TRDN: variants seen among roughly 807,000 people sequenced by gnomAD.
TRDN encodes the protein triadin in skeletal muscle.
Under a neutral mutation model 149.7 loss-of-function variants are expected in TRDN, and 161 were observed. The observed-to-expected ratio is 1.08, with a 90% CI of 0.95 to 1.23. The LOEUF (loss-of-function observed/expected upper bound fraction) is 1.23, where lower values mean the gene tolerates loss of function less well. Ranked by LOEUF, TRDN falls within the 50% of genes most tolerant of loss-of-function variation. TRDN has a pLI of 0.00. For missense variants in TRDN, 896 were observed against 823.5 expected (o/e 1.09, Z -1.08); for synonymous variants, 294 against 250.5 (o/e 1.17, Z -1.64).
chr6:123,521,392 C>T (rs1414372277), intron 5 of TRDN, among the ~76,000 whole-genome samples: 2 of 151,916 alleles, frequency 1.3e-5, no homozygotes, highest in African/African-American at 4.8e-5. Flanking sequence ...AGGATATGCA[C>T]AGAGGGAATG....
chr6:123,339,565 C>A (rs1779994758), intron 21 of TRDN, among the ~76,000 whole-genome samples: 1 of 152,136 alleles, frequency 6.6e-6, no homozygotes, highest in Non-Finnish European at 1.5e-5. Flanking sequence ...TGCAAAGCAA[C>A]CTACAGTATT....
rs1780198426 is a variant in TRDN, at chr6:123,530,578, A to G, written c.425-13T>C. 2.5e-6 allele frequency: 3 copies of G among 1,219,928 alleles called. No homozygotes were observed. The highest frequency in any genetic ancestry group is 3.3e-6 in the Non-Finnish European group (3 of 907,854). The allele number at this position is 1,219,928 out of a possible 1,614,324, so 75.6% of individuals were successfully genotyped here. ...TCTTTGTGTATTTCTAAGAAAAAAT[A>G]GAATTTATAATTTTAAAACTCTGAA... On this transcript the variant is annotated splice_polypyrimidine_tract_variant and intron_variant, in intron 4 of 40. Coordinates refer to ENST00000334268, the MANE Select transcript of TRDN (RefSeq NM_006073.4).
chr6:123,509,832 G>A (rs1291630243), intron 7 of TRDN: 1 of 151,870 alleles, frequency 6.6e-6, no homozygotes, highest in Admixed American at 6.6e-5. Flanking sequence ...AAAGATGCTT[G>A]AAGACCTGTA....
rs151310730 is a variant in TRDN at position 123,304,788 on chromosome 6, C to G, written c.1510+11669G>C. 8.2e-3 allele frequency among the ~76,000 whole-genome samples: 1,254 copies of G among 152,064 alleles called. 17 individuals are homozygous for G. The highest frequency in any genetic ancestry group is 0.029 in the African/African-American group (1,186 of 41,482). On this transcript the variant is annotated intron_variant, in intron 24 of 40. Coordinates refer to ENST00000334268, the MANE Select transcript of TRDN (RefSeq NM_006073.4). The stretch of plus-strand genomic sequence containing the variant: ...GATCCATGAAACTGCTAATAGAGAT[C>G]AAGCTGAAAATAAGCTGATTATATA...
chr6:123,355,548 C>T (rs1780634734), intron 20 of TRDN, among the ~76,000 whole-genome samples: 1 of 151,674 alleles, frequency 6.6e-6, no homozygotes, highest in Non-Finnish European at 1.5e-5. Context: ...TCTACTACTA[C>T]AAACCTTCCA....
intron 9 of TRDN, among the ~76,000 whole-genome samples, chr6:123,486,141 G>A (rs9490785): frequency 0.039 from 5,921 of 152,006 alleles, 335 homozygotes; most frequent in African/African-American, 0.12. Context: ...CTTAAATTAC[G>A]GTAAATGAAA....
intron 9 of TRDN, among the ~76,000 whole-genome samples, chr6:123,478,929 A>C (rs1345237332): frequency 2.0e-5 from 3 of 152,116 alleles, no homozygotes; most frequent in African/African-American, 4.8e-5. Flanking sequence ...GTTTATTTAC[A>C]AGTTTGTTTG....
At chr6:123,313,672 T>C (rs887218631) in intron 24 of TRDN, among the ~76,000 whole-genome samples, 3 of 151,860 alleles carry the variant, frequency 2.0e-5, no homozygotes, top group African/African-American at 2.4e-5. Flanking sequence ...AACAGAGACA[T>C]AGACCGATAG....
intron 5 of TRDN, among the ~76,000 whole-genome samples, chr6:123,518,204 T>C (rs1779505649): frequency 6.6e-6 from 1 of 152,082 alleles, no homozygotes. Flanking sequence ...CTTAAAACAT[T>C]GAGATATTAT....
intron 12 of TRDN, among the ~76,000 whole-genome samples, chr6:123,406,989 C>A (rs7451630): frequency 0.16 from 24,502 of 151,890 alleles, 2,087 homozygotes; most frequent in South Asian, 0.22. Flanking sequence ...CACCTTCAGG[C>A]TCCAAGCTCA....
At chr6:123,349,397 G>T in intron 21 of TRDN, 1 of 435,584 alleles carries the variant, frequency 2.3e-6, no homozygotes, top group Non-Finnish European at 3.1e-6. Context: ...CCAGCGCCTG[G>T]CCAGTTGTGG....
At chr6:123,602,442 G>A (rs936459205) in intron 1 of TRDN, among the ~76,000 whole-genome samples, 3 of 151,998 alleles carry the variant, frequency 2.0e-5, no homozygotes, top group African/African-American at 7.2e-5. Flanking sequence ...GGTTGTAGGG[G>A]GGAACGAGGG....
chr6:123,425,699 A>G (rs1161387345), intron 12 of TRDN, among the ~76,000 whole-genome samples: 1 of 152,042 alleles, frequency 6.6e-6, no homozygotes, highest in Non-Finnish European at 1.5e-5. Context: ...TAATGTGGAG[A>G]GTTGACAAGA....
chr6:123,399,996 T>C (rs1772891442), intron 12 of TRDN, among the ~76,000 whole-genome samples: 1 of 151,860 alleles, frequency 6.6e-6, no homozygotes, highest in Non-Finnish European at 1.5e-5. Flanking sequence ...TTTGACACTT[T>C]AGTGAAATAA....
intron 18 of TRDN, 24 bp from the exon 19 acceptor site, chr6:123,375,655 G>A: frequency 1.3e-6 from 2 of 1,503,860 alleles, no homozygotes; most frequent in Non-Finnish European, 1.8e-6. Context: ...GAAATAATAA[G>A]GTCAACAGTA....
intron 2 of TRDN, among the ~76,000 whole-genome samples, chr6:123,567,667 A>G (rs1480100980): frequency 6.6e-6 from 1 of 152,126 alleles, no homozygotes; most frequent in Non-Finnish European, 1.5e-5. Context: ...CACTTAAAAA[A>G]TCATATCTCA....
At chr6:123,374,765 C>T (rs922321289) in intron 19 of TRDN, among the ~76,000 whole-genome samples, 2 of 147,314 alleles carry the variant, frequency 1.4e-5, no homozygotes, top group Admixed American at 1.3e-4. Flanking sequence ...CAGAGAAAGA[C>T]TCCATCAAAA....
At position 123,516,134 on chromosome 6, in the gene TRDN, T is replaced by C. The variant is rs905900594; in HGVS notation, c.550+7A>G. The C allele has an allele frequency of 6.7e-7, 1 of 1,488,466 alleles. No individual in the cohort carries two copies. The highest frequency in any genetic ancestry group is 1.4e-5 in the African/African-American group (1 of 71,206). The allele number at this position is 1,488,466 out of a possible 1,614,324, so 92.2% of individuals were successfully genotyped here. The stretch of plus-strand genomic sequence containing the variant: ...TGTGTTAAACAGTAATAAAAGTAAC[T>C]TCATACCTTTCTTTTCAGGTTTTTC... On this transcript the variant is annotated splice_region_variant and intron_variant, in intron 6 of 40. Transcript: ENST00000334268.
intron 9 of TRDN, among the ~76,000 whole-genome samples, chr6:123,477,467 G>A (rs1482143780): frequency 1.3e-5 from 2 of 148,930 alleles, no homozygotes; most frequent in Admixed American, 6.7e-5. Context: ...TGGTGGGACT[G>A]TAAACTAGTT....
Sources: allele counts gnomAD v4.1 joint callset (sites outside exome capture counted in the v4.1 genomes callset), GRCh38; gene constraint gnomAD v4.1.1; transcripts MANE v1.5; gene names NCBI Gene and HGNC (gene_info 2026-07-23, HGNC 2026-07-21).